Variants in LDB2 observed in about 807,000 individuals in gnomAD.
LDB2 encodes the protein LIM domain binding 2.
LDB2 carries 12 observed loss-of-function variants against 44.3 expected under a neutral mutation model. The ratio of observed to expected loss-of-function variants is 0.27; its 90% CI spans 0.17 to 0.44. LDB2 has a LOEUF of 0.44. Among genes scored for constraint, LDB2 ranks in the 20% least tolerant of loss-of-function variants. The pLI, the probability that LDB2 is intolerant of heterozygous loss-of-function variation, is 1.00. For missense variants in LDB2, 344 were observed against 473.5 expected (o/e 0.73, Z 2.54); for synonymous variants, 164 against 174.8 (o/e 0.94, Z 0.49).
chr4:16,833,442 T>C (rs920094147), intron 1 of LDB2, among the ~76,000 whole-genome samples: 15 of 152,218 alleles, frequency 9.9e-5, no homozygotes, highest in African/African-American at 3.6e-4. Context: ...CTTCATTCTT[T>C]GTATACTTAT....
chr4:16,609,746 T>C (rs1725101745), intron 2 of LDB2, among the ~76,000 whole-genome samples: 1 of 152,188 alleles, frequency 6.6e-6, no homozygotes, highest in Non-Finnish European at 1.5e-5. Flanking sequence ...GGCTGCAGTC[T>C]CTGCTGACCA....
At chr4:16,681,601 T>C (rs1485595326) in intron 2 of LDB2, among the ~76,000 whole-genome samples, 1 of 148,992 alleles carries the variant, frequency 6.7e-6, no homozygotes, top group South Asian at 2.1e-4. Flanking sequence ...AGGCAAATAA[T>C]TGAATTGTAT....
chr4:16,753,803 G>A (rs980349936), intron 2 of LDB2, among the ~76,000 whole-genome samples: 3 of 152,126 alleles, frequency 2.0e-5, no homozygotes, highest in East Asian at 1.9e-4. Context: ...ACCACAAATA[G>A]TAGTTAAAGG....
At chr4:16,578,770 A>G (rs981632979) in intron 5 of LDB2, among the ~76,000 whole-genome samples, 1 of 152,254 alleles carries the variant, frequency 6.6e-6, no homozygotes, top group Admixed American at 6.5e-5. Flanking sequence ...AGCACTATTA[A>G]CAATAGCCAA....
At chr4:16,812,132 G>A (rs1779994842) in intron 1 of LDB2, among the ~76,000 whole-genome samples, 1 of 152,124 alleles carries the variant, frequency 6.6e-6, no homozygotes, top group Admixed American at 6.5e-5. Flanking sequence ...TTAGCACATT[G>A]ATATTAGCAA....
intron 5 of LDB2, among the ~76,000 whole-genome samples, chr4:16,513,275 A>C (rs1275115896): frequency 6.6e-6 from 1 of 152,130 alleles, no homozygotes; most frequent in African/African-American, 2.4e-5. Context: ...TCATCCTTGA[A>C]GACATAGTTA....
intron 2 of LDB2, among the ~76,000 whole-genome samples, chr4:16,621,898 T>C (rs1002312278): frequency 2.0e-5 from 3 of 152,172 alleles, no homozygotes; most frequent in Non-Finnish European, 2.9e-5. Context: ...AAAAATAATA[T>C]AGTGGGAATT....
chr4:16,839,720 G>A (rs1188042814), intron 1 of LDB2, among the ~76,000 whole-genome samples: 1 of 152,192 alleles, frequency 6.6e-6, no homozygotes, highest in Non-Finnish European at 1.5e-5. Context: ...CATGTAGGAA[G>A]TCTTAAACTA....
At chr4:16,717,053 T>C (rs1757200888) in intron 2 of LDB2, among the ~76,000 whole-genome samples, 1 of 151,976 alleles carries the variant, frequency 6.6e-6, no homozygotes, top group Admixed American at 6.6e-5. Flanking sequence ...GTTTCTCAGT[T>C]ATTCAAAGTA....
intron 5 of LDB2, among the ~76,000 whole-genome samples, chr4:16,532,712 T>C (rs539999983): frequency 6.6e-6 from 1 of 152,302 alleles, no homozygotes; most frequent in South Asian, 2.1e-4. Flanking sequence ...TGTTTATTTG[T>C]CTCCATGACA....
chr4:16,738,593 G>A (rs1245469085), intron 2 of LDB2, among the ~76,000 whole-genome samples: 4 of 152,294 alleles, frequency 2.6e-5, no homozygotes, highest in Non-Finnish European at 4.4e-5. Flanking sequence ...CCAGATTTAT[G>A]TATGTCAAAT....
intron 5 of LDB2, among the ~76,000 whole-genome samples, chr4:16,517,019 T>C (rs1045199334): frequency 1.3e-5 from 2 of 152,204 alleles, no homozygotes; most frequent in South Asian, 2.1e-4. Flanking sequence ...CCTGTCTTCT[T>C]TGGCAGTAAG....
intron 1 of LDB2, among the ~76,000 whole-genome samples, chr4:16,763,439 TACACACACACACACAC>T (rs56114847): frequency 6.4e-5 from 9 of 141,092 alleles, no homozygotes; most frequent in Non-Finnish European, 1.1e-4. Context: ...TGTAAACACG[TACACACACACACACAC>T]ACACACACAC....
chr4:16,662,314 T>C (rs1458366467), intron 2 of LDB2, among the ~76,000 whole-genome samples: 1 of 152,158 alleles, frequency 6.6e-6, no homozygotes, highest in Non-Finnish European at 1.5e-5. Context: ...AGTAATCATT[T>C]GTTGAAAGAT....
intron 2 of LDB2, among the ~76,000 whole-genome samples, chr4:16,615,502 G>A (rs1241407042): frequency 2.0e-5 from 3 of 152,066 alleles, no homozygotes; most frequent in Admixed American, 6.6e-5. Context: ...AACTAACACA[G>A]GAACAGAAAA....
chr4:16,732,952 T>G (rs144846108), intron 2 of LDB2, among the ~76,000 whole-genome samples: 1 of 152,178 alleles, frequency 6.6e-6, no homozygotes, highest in Non-Finnish European at 1.5e-5. Context: ...GGGAAAGGCA[T>G]AGGGATGTTC....
rs187035947 is a variant in LDB2, at chr4:16,565,927, T to G, written c.615+19995A>C. ...AATGGAAAATATGTACATATATATGTCTAAATATATGCATATGACCACACA... is the reference window on the plus strand; with the variant it reads ...AATGGAAAATATGTACATATATATGGCTAAATATATGCATATGACCACACA... On this transcript the variant is annotated intron_variant, in intron 5 of 7. Transcript: ENST00000304523. Among the ~76,000 whole-genome samples, 818 of 151,974 alleles carry G rather than the reference T, an allele frequency of 5.4e-3. 2 individuals are homozygous for G. Among genetic ancestry groups the G allele is most frequent in the Non-Finnish European group, 8.9e-3 (603 of 67,894 alleles).
At chr4:16,539,316 A>C (rs1732950623) in intron 5 of LDB2, among the ~76,000 whole-genome samples, 1 of 152,186 alleles carries the variant, frequency 6.6e-6, no homozygotes, top group South Asian at 2.1e-4. Flanking sequence ...AAAAAGGTAC[A>C]GGAAAGATCA....
intron 2 of LDB2, among the ~76,000 whole-genome samples, chr4:16,751,272 G>A (rs1765444411): frequency 6.6e-6 from 1 of 152,148 alleles, no homozygotes; most frequent in Admixed American, 6.5e-5. Context: ...CATATTAGGG[G>A]ATAATAAAAA....
Sources: allele counts gnomAD v4.1 joint callset (sites outside exome capture counted in the v4.1 genomes callset), GRCh38; gene constraint gnomAD v4.1.1; transcripts MANE v1.5; gene names NCBI Gene and HGNC (gene_info 2026-07-23, HGNC 2026-07-21).